RBFOX1: variants seen among roughly 807,000 people sequenced by gnomAD.
The protein encoded by RBFOX1 is RNA binding fox-1 homolog 1.
A neutral mutation model predicts 57.7 loss-of-function variants in RBFOX1; 8 were observed. That is an observed-to-expected ratio of 0.14 (90% CI 0.08 to 0.25). The LOEUF (loss-of-function observed/expected upper bound fraction) is 0.25. RBFOX1 is among the 10% of genes least tolerant of loss of function. The probability of loss-of-function intolerance (pLI) is 1.00; values close to 1 mark genes in which losing one functional copy is unlikely to be tolerated. For synonymous variants in RBFOX1, 326 were observed against 222.4 expected (o/e 1.47, Z -4.15); for missense variants, 611 against 548.5 (o/e 1.11, Z -1.14).
At chr16:7,526,841 A>G (rs1171093527) in intron 5 of RBFOX1, among the ~76,000 whole-genome samples, 1 of 152,224 alleles carries the variant, frequency 6.6e-6, no homozygotes, top group Non-Finnish European at 1.5e-5. Flanking sequence ...ACTGAAGGTC[A>G]CTGTGGCTGA....
chr16:7,208,916 T>G (rs901491953), intron 4 of RBFOX1, among the ~76,000 whole-genome samples: 1 of 151,996 alleles, frequency 6.6e-6, no homozygotes, highest in Non-Finnish European at 1.5e-5. Flanking sequence ...TCACCCTCTA[T>G]TCCCTTCCTG....
At chr16:6,777,954 T>C (rs73528898) in intron 3 of RBFOX1, among the ~76,000 whole-genome samples, 109 of 152,292 alleles carry the variant, frequency 7.2e-4, no homozygotes, top group African/African-American at 2.5e-3. Context: ...GGTGGTAATA[T>C]CTGAATGTGA....
At chr16:7,114,976 T>G (rs1240521165) in intron 4 of RBFOX1, among the ~76,000 whole-genome samples, 6 of 152,166 alleles carry the variant, frequency 3.9e-5, no homozygotes, top group African/African-American at 1.4e-4. Context: ...GAGAAGTGAT[T>G]TGAGGGTGAA....
intron 4 of RBFOX1, among the ~76,000 whole-genome samples, chr16:5,972,487 CTT>C (rs1238081829): frequency 1.3e-5 from 2 of 152,156 alleles, no homozygotes; most frequent in Non-Finnish European, 2.9e-5. Context: ...AGCGTCCTCT[CTT>C]AAAATGAGAA....
intron 4 of RBFOX1, among the ~76,000 whole-genome samples, chr16:7,516,187 C>A (rs768675582): frequency 2.3e-4 from 35 of 152,120 alleles, no homozygotes; most frequent in Non-Finnish European, 4.9e-4. Context: ...GATGTTTTTA[C>A]AGCTGCCCAT....
intron 3 of RBFOX1, among the ~76,000 whole-genome samples, chr16:6,959,672 C>G (rs149717135): frequency 1.3e-5 from 2 of 152,090 alleles, no homozygotes; most frequent in Admixed American, 6.6e-5. Flanking sequence ...CGTAATGGCT[C>G]ACATCTGTAA....
At position 7,226,395 on chromosome 16, in the gene RBFOX1, TA is replaced by T. The variant is rs957868941; in HGVS notation, c.27+174299del. The stretch of plus-strand genomic sequence containing the variant: ...GGAATTTCCAGCAGGTGTAAGGGAC[TA>T]ATGTCCACTACAGGCCCTCAGTTAA... On this transcript the variant is annotated intron_variant, in intron 4 of 15. Coordinates refer to ENST00000550418, the MANE Select transcript of RBFOX1 (RefSeq NM_018723.4). Among the ~76,000 whole-genome samples, 49 of 152,310 alleles carry T rather than the reference TA, an allele frequency of 3.2e-4. 1 individual carries two copies. The Middle Eastern group carries it at 0.01, about 32-fold the overall frequency.
At position 5,966,409 on chromosome 16, in the gene RBFOX1, G is replaced by T. The variant is rs999052693; in HGVS notation, c.351+99074G>T. On this transcript the variant is annotated intron_variant, in intron 4 of 19. Transcript: ENST00000641259. ...AACATGAGGGCTGACGGTTCACATG[G>T]CCGGAGCAGGAGCAAGTGTGAGGTG... 2.0e-5 allele frequency among the ~76,000 whole-genome samples: 3 copies of T among 152,176 alleles called. No individual in the cohort carries two copies. The East Asian group carries it at 5.8e-4, about 29-fold the overall frequency.
intron 3 of RBFOX1, among the ~76,000 whole-genome samples, chr16:5,837,841 G>A (rs2056508429): frequency 6.6e-6 from 1 of 152,124 alleles, no homozygotes; most frequent in Admixed American, 6.5e-5. Flanking sequence ...GACCATGCTT[G>A]GTGGCATAGA....
At chr16:5,883,642 T>C (rs2057822726) in intron 4 of RBFOX1, among the ~76,000 whole-genome samples, 1 of 152,198 alleles carries the variant, frequency 6.6e-6, no homozygotes, top group Non-Finnish European at 1.5e-5. Flanking sequence ...TGCTTGAGGC[T>C]CTGTCTAATA....
chr16:5,391,484 A>C (rs369829187), intron 1 of RBFOX1, among the ~76,000 whole-genome samples: 11 of 152,084 alleles, frequency 7.2e-5, no homozygotes, highest in Non-Finnish European at 1.5e-4. Context: ...CTCCACTGGG[A>C]CCACCCAGAT....
chr16:6,565,860 C>G (rs115576044), intron 2 of RBFOX1, among the ~76,000 whole-genome samples: 4 of 152,194 alleles, frequency 2.6e-5, no homozygotes, highest in Non-Finnish European at 5.9e-5. Context: ...CAGGGTAAGA[C>G]AGGCTATGCT....
chr16:5,304,612 A>G (rs922476298), intron 1 of RBFOX1, among the ~76,000 whole-genome samples: 6 of 152,086 alleles, frequency 3.9e-5, no homozygotes, highest in Admixed American at 1.3e-4. Context: ...ATTGCCAGAT[A>G]CTCTTCTATC....
At position 7,423,269 on chromosome 16, in the gene RBFOX1, A is replaced by G. The variant is rs76603858; in HGVS notation, c.28-94878A>G. 4.2e-3 allele frequency among the ~76,000 whole-genome samples: 642 copies of G among 152,218 alleles called. 7 individuals are homozygous for G. The highest frequency in any genetic ancestry group is 0.015 in the African/African-American group (613 of 41,512). On this transcript the variant is annotated intron_variant, in intron 4 of 15. Coordinates refer to ENST00000550418, the MANE Select transcript of RBFOX1 (RefSeq NM_018723.4). ...ACCCCATTTCAGCTGCTGTGTGGAA[A>G]AGTAGGATTTCTCATAGTTAACTGA... is the stretch of plus-strand genomic sequence containing the variant.
intron 4 of RBFOX1, among the ~76,000 whole-genome samples, chr16:7,085,467 C>T (rs975031161): frequency 2.0e-5 from 3 of 151,998 alleles, no homozygotes; most frequent in South Asian, 2.1e-4. Flanking sequence ...TGAACTGCAC[C>T]GTCAGGGTAT....
At chr16:6,382,808 C>T (rs146084618) in intron 2 of RBFOX1, among the ~76,000 whole-genome samples, 7 of 152,236 alleles carry the variant, frequency 4.6e-5, no homozygotes, top group East Asian at 1.9e-4. Flanking sequence ...TGCAGTGAGC[C>T]GAGATCATGT....
rs140983730 is a variant in RBFOX1 at position 7,515,733 on chromosome 16, G to A, written c.28-2414G>A. On this transcript the variant is annotated intron_variant, in intron 4 of 15. Transcript: ENST00000550418. The stretch of plus-strand genomic sequence containing the variant: ...AGCTGGATTCAACACTTCAAATGAC[G>A]TCACTGGGACTCAGTAGAAACCTCT... Among the ~76,000 whole-genome samples the A allele has an allele frequency of 2.3e-4, 35 of 152,272 alleles. No individual in the cohort carries two copies. The East Asian group carries it at 4.2e-3, about 18-fold the overall frequency.
intron 4 of RBFOX1, among the ~76,000 whole-genome samples, chr16:7,173,582 A>G (rs997244559): frequency 6.6e-6 from 1 of 152,142 alleles, no homozygotes; most frequent in Non-Finnish European, 1.5e-5. Context: ...AGTAGTGCAT[A>G]CTACTTTTAC....
chr16:7,697,523 GTA>G (rs2079168695), intron 14 of RBFOX1, among the ~76,000 whole-genome samples: 3 of 144,570 alleles, frequency 2.1e-5, no homozygotes, highest in Non-Finnish European at 4.6e-5. Context: ...ATACATGCAT[GTA>G]TATGTATAAT....
Sources: allele counts gnomAD v4.1 joint callset (sites outside exome capture counted in the v4.1 genomes callset), GRCh38; gene constraint gnomAD v4.1.1; transcripts MANE v1.5; gene names NCBI Gene and HGNC (gene_info 2026-07-23, HGNC 2026-07-21).